Variants in PCSK9 observed in about 807,000 individuals in gnomAD.
PCSK9 encodes the protein convertase subtilisin/kexin type 9 preproprotein.
In PCSK9, 57 loss-of-function variants were observed where a neutral mutation model predicts 62.1. The observed-to-expected ratio is 0.92, with a 90% CI of 0.74 to 1.14. The LOEUF is 1.14. PCSK9 is among the 50% of genes most tolerant of loss of function. PCSK9 has a pLI of 0.00. For synonymous variants in PCSK9, 387 were observed against 409.4 expected, an observed-to-expected ratio of 0.95 and a Z score of 0.66; for missense variants, 870 against 959.8, an observed-to-expected ratio of 0.91 and a Z score of 1.24.
chr1:55,063,275 G>A (rs1644776281), intron 11 of PCSK9, 94 bp from the exon 12 acceptor site: 1 of 1,372,674 alleles, frequency 7.3e-7, no homozygotes, highest in Admixed American at 2.0e-5. Flanking sequence ...CTGCACTTTG[G>A]CCTCACAGAA....
intron 2 of PCSK9, 35 bp downstream of exon 2, chr1:55,044,069 T>C (rs765733763): frequency 9.3e-6 from 15 of 1,610,772 alleles, no homozygotes; most frequent in Non-Finnish European, 1.3e-5. Flanking sequence ...CACTTCCTGA[T>C]AGGGCTGGGC....
intron 5 of PCSK9, among the ~76,000 whole-genome samples, chr1:55,055,069 C>G (rs1644703973): frequency 6.6e-6 from 1 of 151,760 alleles, no homozygotes; most frequent in South Asian, 2.1e-4. Context: ...ATGGCCTGCA[C>G]CAAAATGGGG....
chr1:55,056,657 C>G (rs1292914136), intron 6 of PCSK9, among the ~76,000 whole-genome samples: 2 of 152,196 alleles, frequency 1.3e-5, no homozygotes, highest in African/African-American at 2.4e-5. Context: ...GCTCAGACCT[C>G]TCACCCGAGG....
Position 55,039,878 on chromosome 1 carries a change from C to T in PCSK9, c.41C>T (p.Pro14Leu), listed in dbSNP as rs201184195. ...VSSRRSWWPLPLLLLLLLLLG... is the reference protein window; with the variant it reads ...VSSRRSWWPLLLLLLLLLLLG... Reference sequence around the variant, plus strand: ...TCCAGGCGGTCCTGGTGGCCGCTGCCACTGCTGCTGCTGCTGCTGCTGCTC... The same window carrying T: ...TCCAGGCGGTCCTGGTGGCCGCTGCTACTGCTGCTGCTGCTGCTGCTGCTC... Residue 14 changes from proline (P) to leucine (L), a missense_variant, in exon 1 of 12, where the codon CCA becomes CTA. Pro to Leu is a moderately conservative substitution (Grantham distance 98, BLOSUM62 -3). Coordinates refer to ENST00000302118, the MANE Select transcript of PCSK9 (RefSeq NM_174936.4). The T allele has an allele frequency of 6.5e-7, 1 of 1,547,748 alleles. No homozygotes were observed. The highest frequency in any genetic ancestry group is 1.2e-5 in the South Asian group (1 of 84,494).
chr1:55,046,539 A>G lies in PCSK9; in HGVS notation c.416A>G (p.His139Arg). 6.8e-6 allele frequency: 11 copies of G among 1,614,124 alleles called. No individual in the cohort carries two copies. Among genetic ancestry groups the G allele is most frequent in the Non-Finnish European group, 9.3e-6 (11 of 1,180,020 alleles). ...CTTCTGCAGGCCTTGAAGTTGCCCC[A>G]TGTCGACTACATCGAGGAGGACTCC... is the stretch of plus-strand genomic sequence containing the variant. Reference protein sequence around the residue: ...DLLELALKLPHVDYIEEDSSV... With the variant: ...DLLELALKLPRVDYIEEDSSV... Residue 139 changes from histidine (H) to arginine (R), a missense_variant, in exon 3 of 12, where the codon CAT (histidine) becomes CGT (arginine). Physicochemically the swap from His to Arg is conservative, Grantham distance 29 (BLOSUM62 0). Coordinates refer to ENST00000302118, the MANE Select transcript of PCSK9 (RefSeq NM_174936.4).
intron 5 of PCSK9, among the ~76,000 whole-genome samples, chr1:55,053,606 C>T (rs1441908472): frequency 6.6e-6 from 1 of 152,194 alleles, no homozygotes; most frequent in African/African-American, 2.4e-5. Flanking sequence ...GGCTCTGGTG[C>T]TGGCAGAGGC....
intron 3 of PCSK9, among the ~76,000 whole-genome samples, chr1:55,047,346 C>T (rs763300221): frequency 8.5e-5 from 13 of 152,138 alleles, no homozygotes; most frequent in Non-Finnish European, 1.5e-4. Context: ...TTGAGGTGCC[C>T]ATGGTGTGAG....
At chr1:55,046,672 C>T (rs750609784) in intron 3 of PCSK9, 26 bp downstream of exon 3, 1 of 1,612,454 alleles carries the variant, frequency 6.2e-7, no homozygotes, top group East Asian at 2.2e-5. Context: ...GTGCCCTGCC[C>T]CACCCCATCT....
chr1:55,062,763 C>T (rs1644772068), intron 11 of PCSK9, among the ~76,000 whole-genome samples: 1 of 152,140 alleles, frequency 6.6e-6, no homozygotes, highest in Non-Finnish European at 1.5e-5. Context: ...ACCTGAGGGT[C>T]ACAGTCAGCA....
chr1:55,058,391 A>G (rs1043454009), intron 8 of PCSK9, 108 bp from the exon 9 acceptor site: 3 of 1,562,670 alleles, frequency 1.9e-6, no homozygotes, highest in African/African-American at 1.4e-5. Context: ...TTATAGAGAC[A>G]GTTGAGTATG....
At position 55,042,502 on chromosome 1, in the gene PCSK9, G is replaced by A. The variant is rs1408172035; in HGVS notation, c.208-1341G>A. On this transcript the variant is annotated intron_variant, in intron 1 of 11. Transcript: ENST00000302118. ...TTCTAAAATCCAAACAAGTTCTGAG[G>A]TTCAAAACCGTTTTGGCCCTAAGGC... Among the ~76,000 whole-genome samples, 5 of 152,260 alleles carry A rather than the reference G, an allele frequency of 3.3e-5. No homozygotes were observed. In the East Asian group the frequency reaches 7.7e-4, roughly 24 times the overall value.
chr1:55,042,542 G>A (rs1326651795), intron 1 of PCSK9, among the ~76,000 whole-genome samples: 2 of 152,172 alleles, frequency 1.3e-5, no homozygotes, highest in African/African-American at 2.4e-5. Flanking sequence ...GGTAAAGGGG[G>A]TGGACTCTGT....
chr1:55,057,666 G>C, intron 7 of PCSK9, 152 bp downstream of exon 7: 1 of 1,041,188 alleles, frequency 9.6e-7, no homozygotes, highest in South Asian at 1.4e-5. Flanking sequence ...TCAGTCTGAT[G>C]AGGGAGGCGA....
At chr1:55,056,267 C>T (rs1557505725) in intron 6 of PCSK9, 78 bp downstream of exon 6, 1 of 1,194,406 alleles carries the variant, frequency 8.4e-7, no homozygotes. Flanking sequence ...GGCGGGCAGG[C>T]GGGCTTCTTG....
Position 55,058,667 on chromosome 1 carries a change from G to A in PCSK9, c.1503+20G>A, listed in dbSNP as rs755260262. 2.4e-4 allele frequency: 4 copies of A among 16,996 alleles called. No individual in the cohort carries two copies. The highest frequency in any genetic ancestry group is 0.036 in the East Asian group (1 of 28). The allele number at this position is 16,996 out of a possible 1,614,324, so 1.1% of individuals were successfully genotyped here. A position where few individuals can be genotyped will look rare whatever the true frequency, so the allele number is the denominator to read the frequency against. On this transcript the variant is annotated intron_variant, in intron 9 of 11. Coordinates refer to ENST00000302118, the MANE Select transcript of PCSK9 (RefSeq NM_174936.4). ...ATGGAGGTGACTGTACCCCTCCTTCGTGTGTGTGTGTGTGTGTGTGTGTGT... is the reference window on the plus strand; with the variant it reads ...ATGGAGGTGACTGTACCCCTCCTTCATGTGTGTGTGTGTGTGTGTGTGTGT...
At chr1:55,046,714 G>A in intron 3 of PCSK9, 68 bp downstream of exon 3, 1 of 1,584,792 alleles carries the variant, frequency 6.3e-7, no homozygotes, top group South Asian at 1.1e-5. Context: ...CCCTGGCCTG[G>A]CCTCCCTGCT....
chr1:55,061,644 C>T (rs1355563188), intron 11 of PCSK9, 88 bp downstream of exon 11: 16 of 1,503,842 alleles, frequency 1.1e-5, no homozygotes, highest in East Asian at 4.9e-5. Flanking sequence ...ACCACCATAC[C>T]GCCATGCATC....
In PCSK9 at chr1:55,064,478, GCTC is replaced by G. The variant is rs1182014730; in HGVS notation, c.*898_*900del. On this transcript the variant is annotated 3_prime_UTR_variant, in exon 12 of 12. Coordinates refer to ENST00000302118, the MANE Select transcript of PCSK9 (RefSeq NM_174936.4). ...GCCTCTTCTTACTTCACCCGGCTGG[GCTC>G]CTCATTTTTACGGGTAACAGTGAGG... 5 of 152,260 alleles carry G rather than the reference GCTC, an allele frequency of 3.3e-5. No homozygotes were observed. The South Asian group carries it at 6.2e-4, about 19-fold the overall frequency. The allele number at this position is 152,260 out of a possible 1,614,324, so 9.4% of individuals were successfully genotyped here. A position where few individuals can be genotyped will look rare whatever the true frequency, so the allele number is the denominator to read the frequency against.
At chr1:55,052,578 C>G in intron 4 of PCSK9, 72 bp from the exon 5 acceptor site, 1 of 1,605,792 alleles carries the variant, frequency 6.2e-7, no homozygotes, top group Non-Finnish European at 8.5e-7. Context: ...GTTCATCCAT[C>G]CAGCCACCTG....
Sources: gnomAD v4.1 joint callset for allele counts (sites outside exome capture counted in the v4.1 genomes callset) on GRCh38, gnomAD v4.1.1 for gene constraint, MANE v1.5 for transcripts, NCBI Gene and HGNC (gene_info 2026-07-23, HGNC 2026-07-21) for gene names.